The following ST8SIA6 variants were observed in gnomAD, a reference collection of about 807,000 sequenced individuals.
The protein encoded by ST8SIA6 is alpha-2,8-sialyltransferase 8F.
Under a neutral mutation model 33.6 loss-of-function variants are expected in ST8SIA6, and 39 were observed. The ratio of observed to expected loss-of-function variants is 1.16; its 90% confidence interval spans 0.90 to 1.52. The LOEUF (loss-of-function observed/expected upper bound fraction) is 1.52, where lower values mean the gene tolerates loss of function less well. ST8SIA6 is among the 40% of genes most tolerant of loss of function. The probability of loss-of-function intolerance (pLI) is 0.00; values close to 1 mark genes in which losing one functional copy is unlikely to be tolerated. For synonymous variants in ST8SIA6, 172 were observed against 167.2 expected, an observed-to-expected ratio of 1.03 and a Z score of -0.22; for missense variants, 441 against 443.8, an observed-to-expected ratio of 0.99 and a Z score of 0.06.
At chr10:17,344,340 C>T (rs980760203) in intron 4 of ST8SIA6, among the ~76,000 whole-genome samples, 1 of 152,192 alleles carries the variant, frequency 6.6e-6, no homozygotes, top group African/African-American at 2.4e-5. Context: ...CACAGTTCCA[C>T]GTGGCTGGGG....
intron 2 of ST8SIA6, among the ~76,000 whole-genome samples, chr10:17,396,341 A>G (rs1850805424): frequency 1.3e-5 from 2 of 152,180 alleles, no homozygotes; most frequent in African/African-American, 2.4e-5. Context: ...GTGCCTTGGT[A>G]AATTCATAGT....
At chr10:17,351,662 T>C (rs1303625544) in intron 4 of ST8SIA6, among the ~76,000 whole-genome samples, 1 of 151,928 alleles carries the variant, frequency 6.6e-6, no homozygotes, top group Non-Finnish European at 1.5e-5. Flanking sequence ...TGTCCATCAA[T>C]GGCTGAATGC....
At chr10:17,398,710 A>G (rs2131675058) in intron 2 of ST8SIA6, among the ~76,000 whole-genome samples, 1 of 152,314 alleles carries the variant, frequency 6.6e-6, no homozygotes, top group East Asian at 1.9e-4. Context: ...ATTATCAAAG[A>G]ACAGAAAGCC....
At chr10:17,350,366 C>G (rs1472545459) in intron 4 of ST8SIA6, among the ~76,000 whole-genome samples, 1 of 148,644 alleles carries the variant, frequency 6.7e-6, no homozygotes, top group East Asian at 2.2e-4. Context: ...TTAGAATCGA[C>G]TGGCTCACAA....
At chr10:17,323,463 G>A (rs751083740) in intron 6 of ST8SIA6, among the ~76,000 whole-genome samples, 13 of 145,524 alleles carry the variant, frequency 8.9e-5, no homozygotes, top group Non-Finnish European at 1.6e-4. Flanking sequence ...GTGGTGCTCT[G>A]GGCTCACTGC....
intron 2 of ST8SIA6, among the ~76,000 whole-genome samples, chr10:17,419,217 T>C (rs1479681348): frequency 2.0e-5 from 3 of 151,934 alleles, no homozygotes; most frequent in Admixed American, 1.3e-4. Context: ...TTTCTCCATG[T>C]GGAGAATGAA....
At chr10:17,395,007 T>A (rs1448813637) in intron 2 of ST8SIA6, among the ~76,000 whole-genome samples, 1 of 152,144 alleles carries the variant, frequency 6.6e-6, no homozygotes, top group Non-Finnish European at 1.5e-5. Context: ...CCATATCTCA[T>A]CTTGAATTAT....
chr10:17,343,520 G>A (rs1337739851), intron 4 of ST8SIA6, among the ~76,000 whole-genome samples: 4 of 152,176 alleles, frequency 2.6e-5, no homozygotes, highest in African/African-American at 9.6e-5. Flanking sequence ...AAGAGAAAGA[G>A]CAAACTAAGA....
intron 2 of ST8SIA6, chr10:17,413,272 T>G (rs997413854): frequency 1.2e-4 from 18 of 148,144 alleles, no homozygotes; most frequent in Admixed American, 1.0e-3. Context: ...CTCCTCTTCT[T>G]TTTTTTTTTT....
At chr10:17,372,954 A>G (rs1849782767) in intron 3 of ST8SIA6, among the ~76,000 whole-genome samples, 1 of 152,192 alleles carries the variant, frequency 6.6e-6, no homozygotes, top group African/African-American at 2.4e-5. Context: ...ACCAAAATAG[A>G]TGCCCTTTTA....
rs577914685 is a variant in ST8SIA6 at position 17,371,955 on chromosome 10, C to T, written c.291-12355G>A. ...TATACAAGAGTTCTAAATCCATTCT[C>T]AACCATGTATACTTTGAAAAAGCTC... On this transcript the variant is annotated intron_variant, in intron 3 of 7. Coordinates refer to ENST00000377602, the MANE Select transcript of ST8SIA6 (RefSeq NM_001004470.3). Among the ~76,000 whole-genome samples, 4 of 152,214 alleles carry T rather than the reference C, an allele frequency of 2.6e-5. No homozygotes were observed. The East Asian group carries it at 7.7e-4, about 29-fold the overall frequency.
chr10:17,371,954 T>A (rs1849750682), intron 3 of ST8SIA6, among the ~76,000 whole-genome samples: 1 of 152,174 alleles, frequency 6.6e-6, no homozygotes, highest in Admixed American at 6.5e-5. Context: ...AAATCCATTC[T>A]CAACCATGTA....
chr10:17,412,429 G>A (rs992814531), intron 2 of ST8SIA6, among the ~76,000 whole-genome samples: 1 of 152,124 alleles, frequency 6.6e-6, no homozygotes, highest in African/African-American at 2.4e-5. Flanking sequence ...GGACAGAGAG[G>A]GGCTCCTGAA....
intron 2 of ST8SIA6, among the ~76,000 whole-genome samples, chr10:17,432,236 C>A (rs1226334863): frequency 1.3e-5 from 2 of 152,162 alleles, no homozygotes; most frequent in Non-Finnish European, 2.9e-5. Context: ...ACTCACCAGC[C>A]TCGGAAAGGA....
chr10:17,412,661 A>G (rs1851489521), intron 2 of ST8SIA6, among the ~76,000 whole-genome samples: 1 of 152,216 alleles, frequency 6.6e-6, no homozygotes, highest in Non-Finnish European at 1.5e-5. Context: ...TCAGGTCTGT[A>G]GAAACTTTGA....
At chr10:17,410,657 A>G (rs1394674326) in intron 2 of ST8SIA6, 1 of 152,174 alleles carries the variant, frequency 6.6e-6, no homozygotes, top group Non-Finnish European at 1.5e-5. Context: ...AGCATGAGGT[A>G]TTGCAAGATG....
At chr10:17,398,781 A>G (rs2131675177) in intron 2 of ST8SIA6, among the ~76,000 whole-genome samples, 1 of 152,322 alleles carries the variant, frequency 6.6e-6, no homozygotes, top group East Asian at 1.9e-4. Flanking sequence ...TCTAGGGATG[A>G]GGAGCCAGGA....
chr10:17,333,712 T>TATATATAA lies in ST8SIA6; in HGVS notation c.378-2161_378-2160insTTATATAT, dbSNP rs1848402344. On this transcript the variant is annotated intron_variant, in intron 4 of 7. Coordinates refer to ENST00000377602, the MANE Select transcript of ST8SIA6 (RefSeq NM_001004470.3). ...ATATATATATATATATATATATATA[T>TATATATAA]ATATATTTTTTTTTTTTTTTTTTTT... 5.2e-5 allele frequency among the ~76,000 whole-genome samples: 2 copies of TATATATAA among 38,194 alleles called. 1 individual carries two copies. The highest frequency in any genetic ancestry group is 1.5e-3 in the South Asian group (2 of 1,308). 25.1% of individuals were successfully genotyped at this position (38,194 alleles called of 152,430 possible).
intron 2 of ST8SIA6, among the ~76,000 whole-genome samples, chr10:17,437,712 TTCCCTTCCCTCCCTTCCC>T (rs369058675): frequency 2.7e-5 from 4 of 146,686 alleles, no homozygotes; most frequent in Non-Finnish European, 1.5e-5. Context: ...CTTCCCTTCC[TTCCCTTCCCTCCCTTCCC>T]TCCCTTTCTC....
Sources: gnomAD v4.1 joint callset for allele counts (sites outside exome capture counted in the v4.1 genomes callset) on GRCh38, gnomAD v4.1.1 for gene constraint, MANE v1.5 for transcripts, NCBI Gene and HGNC (gene_info 2026-07-23, HGNC 2026-07-21) for gene names.